DYM: variants seen among roughly 807,000 people sequenced by gnomAD.
The protein encoded by DYM is dyggve-Melchior-Clausen syndrome protein.
Under a neutral mutation model 93.1 loss-of-function variants are expected in DYM, and 78 were observed. The observed-to-expected ratio is 0.84, with a 90% CI of 0.70 to 1.01. The LOEUF (loss-of-function observed/expected upper bound fraction) is 1.01, where lower values mean the gene tolerates loss of function less well. Ranked by LOEUF, DYM falls within the 50% of genes least tolerant of loss-of-function variation. DYM has a pLI of 0.00. For missense variants in DYM, 789 were observed against 845.0 expected (o/e 0.93, Z 0.82); for synonymous variants, 321 against 319.7 (o/e 1.00, Z -0.04).
At chr18:49,395,509 A>G (rs1292870753) in intron 2 of DYM, among the ~76,000 whole-genome samples, 3 of 152,074 alleles carry the variant, frequency 2.0e-5, no homozygotes, top group Non-Finnish European at 4.4e-5. Flanking sequence ...CATGCCTGTA[A>G]TTACAGCTAC....
At chr18:49,426,523 T>G (rs1401220843) in intron 2 of DYM, among the ~76,000 whole-genome samples, 1 of 151,662 alleles carries the variant, frequency 6.6e-6, no homozygotes, top group Admixed American at 6.6e-5. Context: ...TGTGCACGTG[T>G]ACCCTAGAAC....
intron 5 of DYM, among the ~76,000 whole-genome samples, chr18:49,371,640 G>T (rs1003909444): frequency 4.6e-5 from 7 of 152,152 alleles, no homozygotes; most frequent in Admixed American, 2.6e-4. Flanking sequence ...CAAGAATGGG[G>T]TATAATACCA....
chr18:49,111,302 C>T (rs769041135), intron 16 of DYM, among the ~76,000 whole-genome samples: 4 of 152,064 alleles, frequency 2.6e-5, no homozygotes, highest in Non-Finnish European at 4.4e-5. Flanking sequence ...CTTAGTTGAC[C>T]TTCACACCAG....
rs554767829 is a variant in DYM at position 49,042,757 on chromosome 18, G to C, written c.*1298C>G. On this transcript the variant is annotated 3_prime_UTR_variant, in exon 18 of 18. Coordinates refer to ENST00000675505, the MANE Select transcript of DYM (RefSeq NM_001353214.3). ...CTGTGAAGGGGCCCGTGAGGACACA[G>C]AGTGTGACTGGAAAGGAAGGTCCCA... The C allele has an allele frequency of 2.6e-5, 4 of 152,366 alleles. No individual in the cohort carries two copies. The highest frequency in any genetic ancestry group is 4.8e-5 in the African/African-American group (2 of 41,592). The allele number at this position is 152,366 out of a possible 1,614,324, so 9.4% of individuals were successfully genotyped here.
At chr18:49,402,127 G>C (rs1164593335) in intron 2 of DYM, among the ~76,000 whole-genome samples, 2 of 152,050 alleles carry the variant, frequency 1.3e-5, no homozygotes, top group Non-Finnish European at 2.9e-5. Context: ...TGCTTCCTTG[G>C]ATTTCATGAA....
At chr18:49,443,676 C>A (rs1045833290) in intron 1 of DYM, among the ~76,000 whole-genome samples, 6 of 152,156 alleles carry the variant, frequency 3.9e-5, no homozygotes, top group African/African-American at 1.4e-4. Flanking sequence ...CTCATGAGAG[C>A]AATGAGCAGG....
chr18:49,080,151 G>C (rs1599588283), intron 17 of DYM, among the ~76,000 whole-genome samples: 1 of 18,890 alleles, frequency 5.3e-5, no homozygotes, highest in Non-Finnish European at 1.3e-4. Flanking sequence ...GCGGCTGGCC[G>C]GGGGGGGGCT....
At chr18:49,205,467 GA>G (rs148014079) in intron 14 of DYM, among the ~76,000 whole-genome samples, 8,170 of 151,706 alleles carry the variant, frequency 0.054, 300 homozygotes, top group Middle Eastern at 0.11. Flanking sequence ...TAGTAGATGA[GA>G]AAAAAATACA....
chr18:49,434,685 G>T (rs150913828), intron 1 of DYM, among the ~76,000 whole-genome samples: 149 of 151,932 alleles, frequency 9.8e-4, no homozygotes, highest in African/African-American at 3.3e-3. Context: ...ATATTTTCTG[G>T]CCAGGCACAG....
intron 3 of DYM, among the ~76,000 whole-genome samples, chr18:49,386,229 C>A (rs2068607528): frequency 6.6e-6 from 1 of 151,806 alleles, no homozygotes; most frequent in Admixed American, 6.6e-5. Context: ...AAAATAGAGA[C>A]CAGAAGGCAG....
chr18:49,075,584 C>T (rs761888190), intron 17 of DYM, among the ~76,000 whole-genome samples: 1 of 152,114 alleles, frequency 6.6e-6, no homozygotes, highest in Non-Finnish European at 1.5e-5. Flanking sequence ...ATTTCTGGAT[C>T]CTTGCTTGGG....
At chr18:49,300,743 T>C (rs890540937) in intron 8 of DYM, among the ~76,000 whole-genome samples, 2 of 152,196 alleles carry the variant, frequency 1.3e-5, no homozygotes, top group African/African-American at 4.8e-5. Context: ...TGTATAGATA[T>C]ATTCCTACCT....
At chr18:49,159,085 A>G (rs916814117) in intron 15 of DYM, among the ~76,000 whole-genome samples, 23 of 152,228 alleles carry the variant, frequency 1.5e-4, no homozygotes, top group African/African-American at 3.4e-4. Context: ...ATATGTATGT[A>G]TATCTTTGTA....
intron 6 of DYM, among the ~76,000 whole-genome samples, chr18:49,345,315 T>G (rs911440797): frequency 1.3e-5 from 2 of 152,178 alleles, no homozygotes; most frequent in Admixed American, 6.5e-5. Flanking sequence ...CAGGGAATCC[T>G]GATAAATGGC....
intron 15 of DYM, among the ~76,000 whole-genome samples, chr18:49,135,209 C>T (rs759114499): frequency 6.6e-6 from 1 of 152,104 alleles, no homozygotes; most frequent in Non-Finnish European, 1.5e-5. Flanking sequence ...GGAAATAATA[C>T]TGCAAATACA....
intron 13 of DYM, among the ~76,000 whole-genome samples, chr18:49,227,961 T>A (rs2093587162): frequency 6.6e-6 from 1 of 152,188 alleles, no homozygotes; most frequent in African/African-American, 2.4e-5. Flanking sequence ...CCCCGATTGC[T>A]ACATGCACAT....
At chr18:49,288,205 C>G (rs2059789975) in intron 8 of DYM, among the ~76,000 whole-genome samples, 1 of 152,106 alleles carries the variant, frequency 6.6e-6, no homozygotes, top group South Asian at 2.1e-4. Flanking sequence ...CCATTACTGA[C>G]ACACTATAAC....
chr18:49,298,890 G>A (rs879512358), intron 8 of DYM, among the ~76,000 whole-genome samples: 7 of 152,162 alleles, frequency 4.6e-5, no homozygotes, highest in Non-Finnish European at 1.0e-4. Flanking sequence ...TTTAAAATGT[G>A]AAGCATAAAA....
At chr18:49,303,705 G>T (rs927084126) in intron 8 of DYM, among the ~76,000 whole-genome samples, 1 of 152,212 alleles carries the variant, frequency 6.6e-6, no homozygotes, top group Non-Finnish European at 1.5e-5. Flanking sequence ...AAGGACCACA[G>T]ACAGGCCAAA....
Sources: allele counts gnomAD v4.1 joint callset (sites outside exome capture counted in the v4.1 genomes callset), GRCh38; gene constraint gnomAD v4.1.1; transcripts MANE v1.5; gene names NCBI Gene and HGNC (gene_info 2026-07-23, HGNC 2026-07-21).